The following CPO variants were observed in gnomAD, a reference collection of about 807,000 sequenced individuals.
The protein encoded by CPO is carboxypeptidase O, also known as metallocarboxypeptidase C.
Under a neutral mutation model 41.2 loss-of-function variants are expected in CPO, and 43 were observed. That is an observed-to-expected ratio of 1.04 (90% CI 0.82 to 1.35). The LOEUF is 1.35. Among genes scored for constraint, CPO ranks in the 40% most tolerant of loss-of-function variants. The probability of loss-of-function intolerance (pLI) is 0.00; values close to 1 mark genes in which losing one functional copy is unlikely to be tolerated. For synonymous variants in CPO, 178 were observed against 162.7 expected (o/e 1.09, Z -0.72); for missense variants, 408 against 451.7 (o/e 0.90, Z 0.88).
intron 2 of CPO, among the ~76,000 whole-genome samples, chr2:206,952,719 A>AGGC (rs749751433): frequency 2.6e-5 from 4 of 152,186 alleles, no homozygotes; most frequent in Admixed American, 6.5e-5. Flanking sequence ...ACATGTGAGA[A>AGGC]GGCCATAATC....
Position 206,969,160 on chromosome 2 carries a change from G to A in CPO, c.863-14G>A. Reference sequence around the variant, plus strand: ...GTATGACTTCTACCTCTGCCTTCATGTTTTCACCTGTAGATGCCTCATCAG... The same window carrying A: ...GTATGACTTCTACCTCTGCCTTCATATTTTCACCTGTAGATGCCTCATCAG... On this transcript the variant is annotated splice_polypyrimidine_tract_variant and intron_variant, in intron 8 of 8. Coordinates refer to ENST00000272852, the MANE Select transcript of CPO (RefSeq NM_173077.3). 1 of 1,612,720 alleles carries A rather than the reference G, an allele frequency of 6.2e-7. No individual in the cohort carries two copies. The highest frequency in any genetic ancestry group is 1.7e-4 in the Middle Eastern group (1 of 6,048).
intron 2 of CPO, among the ~76,000 whole-genome samples, chr2:206,954,602 C>G (rs977144814): frequency 1.3e-5 from 2 of 152,176 alleles, no homozygotes; most frequent in African/African-American, 4.8e-5. Context: ...GCCTTTTACC[C>G]AGTTCCAAAG....
intron 4 of CPO, among the ~76,000 whole-genome samples, chr2:206,959,360 T>C (rs988787946): frequency 2.0e-5 from 3 of 152,028 alleles, no homozygotes; most frequent in Admixed American, 6.6e-5. Flanking sequence ...ACCTAGTAAA[T>C]TAGAAATGTG....
rs766414395 is a variant in CPO, at chr2:206,955,470, A to G, written c.173A>G (p.Glu58Gly). Residue 58 changes from glutamate to glycine, a missense_variant, in exon 3 of 9, where the codon GAG becomes GGG. Glu to Gly is a moderately conservative substitution (Grantham distance 98). Coordinates refer to ENST00000272852, the MANE Select transcript of CPO (RefSeq NM_173077.3). ...CCTCCCTTGCTGTTTCAGATCTATG[A>G]GTGGATGAGAGAGATCAGTGAGAAG... is the stretch of plus-strand genomic sequence containing the variant. ...NIYHPMGEIYEWMREISEKYK... is the reference protein window; with the variant it reads ...NIYHPMGEIYGWMREISEKYK... 3.7e-6 allele frequency: 6 copies of G among 1,602,854 alleles called. No homozygotes were observed. In the East Asian group the frequency reaches 1.1e-4, roughly 30 times the overall value.
intron 2 of CPO, among the ~76,000 whole-genome samples, chr2:206,953,967 A>G (rs1693313366): frequency 6.6e-6 from 1 of 152,142 alleles, no homozygotes; most frequent in Non-Finnish European, 1.5e-5. Context: ...CCTTGGCCCC[A>G]TTTAGCCATG....
intron 8 of CPO, 29 bp downstream of exon 8, chr2:206,968,376 G>C: frequency 7.6e-7 from 1 of 1,307,238 alleles, no homozygotes. Flanking sequence ...CTCTTCAATA[G>C]TATCTAAGGC....
intron 4 of CPO, 80 bp downstream of exon 4, chr2:206,958,485 C>T: frequency 1.4e-6 from 1 of 718,608 alleles, no homozygotes; most frequent in Non-Finnish European, 2.4e-6. Flanking sequence ...ACAAACCACG[C>T]TTCTTTCACA....
chr2:206,962,682 C>T (rs1693503972), intron 7 of CPO, 68 bp downstream of exon 7: 3 of 1,351,368 alleles, frequency 2.2e-6, no homozygotes. Flanking sequence ...TTTCTGATTT[C>T]CATTTCCAAG....
At chr2:206,960,260 C>T (rs1693454253) in intron 5 of CPO, among the ~76,000 whole-genome samples, 1 of 152,230 alleles carries the variant, frequency 6.6e-6, no homozygotes. Flanking sequence ...GCCCCTATTT[C>T]TAGAGAGTAT....
rs772125020 is a variant in CPO at position 206,962,417 on chromosome 2, G to T, written c.580G>T (p.Gly194Cys). ...TGGTTTCTTCCATATTCTAGGTATT[G>T]GTGCCTCTAGAAACTGCCAAGATCA... Reference protein sequence around the residue: ...RNFNASWCSIGASRNCQDQTF... With the variant: ...RNFNASWCSICASRNCQDQTF... The change falls in exon 7 of 9, where the codon GGT becomes TGT. Residue 194 changes from glycine to cysteine, a missense_variant. By Grantham distance (159) the Gly-to-Cys change is radical. Transcript: ENST00000272852. 1 of 1,613,704 alleles carries T rather than the reference G, an allele frequency of 6.2e-7. No homozygotes were observed. Among genetic ancestry groups the T allele is most frequent in the South Asian group, 1.1e-5 (1 of 91,064 alleles).
At chr2:206,953,323 A>G (rs1693299681) in intron 2 of CPO, among the ~76,000 whole-genome samples, 1 of 152,078 alleles carries the variant, frequency 6.6e-6, no homozygotes, top group Non-Finnish European at 1.5e-5. Flanking sequence ...CCTAGATACA[A>G]TGGGGGTACA....
intron 8 of CPO, among the ~76,000 whole-genome samples, chr2:206,968,730 A>C (rs1348992478): frequency 6.6e-6 from 1 of 152,188 alleles, no homozygotes; most frequent in Non-Finnish European, 1.5e-5. Flanking sequence ...ATCTAAAGAC[A>C]AGAATTTAGT....
rs575906082 is a variant in CPO at position 206,942,349 on chromosome 2, C to CT, written c.68+2686dup. 4.1e-3 allele frequency among the ~76,000 whole-genome samples: 621 copies of CT among 152,172 alleles called. 1 individual carries two copies. The highest frequency in any genetic ancestry group is 6.0e-3 in the Non-Finnish European group (407 of 67,978). On this transcript the variant is annotated intron_variant, in intron 1 of 8. Coordinates refer to ENST00000272852, the MANE Select transcript of CPO (RefSeq NM_173077.3). ...AGGTGGAATTATTGATAATTCTTCT[C>CT]TTTTCTATTTTTCTCCTCCTTTTTT...
At chr2:206,949,773 A>T (rs2105821254) in intron 2 of CPO, 60 bp downstream of exon 2, 1 of 1,074,672 alleles carries the variant, frequency 9.3e-7, no homozygotes, top group South Asian at 1.3e-5. Context: ...AGGATGGGCA[A>T]AGAATGGTTC....
At chr2:206,968,956 T>A (rs1693632646) in intron 8 of CPO, among the ~76,000 whole-genome samples, 1 of 152,204 alleles carries the variant, frequency 6.6e-6, no homozygotes, top group Non-Finnish European at 1.5e-5. Flanking sequence ...CCAGACACAG[T>A]GCCAGGTATG....
chr2:206,940,778 G>A (rs1041574354), intron 1 of CPO, among the ~76,000 whole-genome samples: 11 of 151,982 alleles, frequency 7.2e-5, no homozygotes, highest in African/African-American at 2.7e-4. Flanking sequence ...AAGAAATCTT[G>A]CAATGAACTT....
At chr2:206,952,033 A>G (rs1254587802) in intron 2 of CPO, among the ~76,000 whole-genome samples, 1 of 152,222 alleles carries the variant, frequency 6.6e-6, no homozygotes, top group African/African-American at 2.4e-5. Flanking sequence ...GTTATAATAC[A>G]TTTTATCTAT....
intron 2 of CPO, among the ~76,000 whole-genome samples, chr2:206,950,341 T>A (rs1693229381): frequency 6.6e-6 from 1 of 151,920 alleles, no homozygotes; most frequent in Non-Finnish European, 1.5e-5. Flanking sequence ...TATGCAAAAC[T>A]GCTGGTCATC....
intron 1 of CPO, among the ~76,000 whole-genome samples, chr2:206,948,191 T>A (rs1394569516): frequency 6.6e-6 from 1 of 152,208 alleles, no homozygotes; most frequent in African/African-American, 2.4e-5. Flanking sequence ...CTTCAGTAGA[T>A]GAGTAAGGGT....
Sources: allele counts gnomAD v4.1 joint callset (sites outside exome capture counted in the v4.1 genomes callset), GRCh38; gene constraint gnomAD v4.1.1; transcripts MANE v1.5; gene names NCBI Gene and HGNC (gene_info 2026-07-23, HGNC 2026-07-21).